MTMR7: variants seen among roughly 807,000 people sequenced by gnomAD.
The protein encoded by MTMR7 is myotubularin related protein 7.
Under a neutral mutation model 81.2 loss-of-function variants are expected in MTMR7, and 76 were observed. The ratio of observed to expected loss-of-function variants is 0.94; its 90% CI spans 0.78 to 1.13. The LOEUF is 1.13. Among genes scored for constraint, MTMR7 ranks in the 50% most tolerant of loss-of-function variants. The probability of loss-of-function intolerance (pLI) is 0.00; values close to 1 mark genes in which losing one functional copy is unlikely to be tolerated. For synonymous variants in MTMR7, 372 were observed against 289.8 expected, an observed-to-expected ratio of 1.28 and a Z score of -2.88; for missense variants, 1,044 against 820.0, an observed-to-expected ratio of 1.27 and a Z score of -3.34.
chr8:17,408,974 T>G (rs983198311), intron 1 of MTMR7, among the ~76,000 whole-genome samples: 1 of 152,232 alleles, frequency 6.6e-6, no homozygotes, highest in African/African-American at 2.4e-5. Flanking sequence ...TTTACATTAT[T>G]TGAATTTTAT....
chr8:17,357,362 A>AAATT (rs1819926657), intron 4 of MTMR7, among the ~76,000 whole-genome samples: 1 of 152,252 alleles, frequency 6.6e-6, no homozygotes, highest in African/African-American at 2.4e-5. Context: ...GAAATGGATG[A>AAATT]CAAATACAAA....
At chr8:17,393,838 T>G (rs190525001) in intron 1 of MTMR7, among the ~76,000 whole-genome samples, 1 of 152,190 alleles carries the variant, frequency 6.6e-6, no homozygotes, top group Non-Finnish European at 1.5e-5. Context: ...TTTGCACATG[T>G]AACCTGGGAC....
intron 5 of MTMR7, among the ~76,000 whole-genome samples, chr8:17,341,794 C>T (rs917199382): frequency 2.0e-4 from 30 of 152,170 alleles, no homozygotes; most frequent in Admixed American, 1.6e-3. Context: ...CTTTCCTTTT[C>T]ACTGATATTG....
intron 12 of MTMR7, among the ~76,000 whole-genome samples, chr8:17,303,781 T>C (rs1817279102): frequency 6.6e-6 from 1 of 152,166 alleles, no homozygotes; most frequent in Admixed American, 6.5e-5. Context: ...AGCTAATTTT[T>C]GTATTTTCAG....
At chr8:17,372,771 C>A (rs1269695219) in intron 2 of MTMR7, among the ~76,000 whole-genome samples, 4 of 152,068 alleles carry the variant, frequency 2.6e-5, no homozygotes, top group Non-Finnish European at 4.4e-5. Flanking sequence ...CAGGACCCTG[C>A]AAATAGAGAC....
chr8:17,402,329 AC>A (rs1821450889), intron 1 of MTMR7, among the ~76,000 whole-genome samples: 1 of 152,154 alleles, frequency 6.6e-6, no homozygotes, highest in Non-Finnish European at 1.5e-5. Flanking sequence ...GCTATCAAAT[AC>A]TAGGTCTTAC....
chr8:17,408,303 G>T (rs1390855405), intron 1 of MTMR7, among the ~76,000 whole-genome samples: 1 of 86,226 alleles, frequency 1.2e-5, no homozygotes, highest in African/African-American at 2.9e-5. Flanking sequence ...GCAGGAGAAT[G>T]GCGTGAACCC....
intron 6 of MTMR7, among the ~76,000 whole-genome samples, chr8:17,337,076 T>C (rs911737110): frequency 1.3e-5 from 2 of 151,900 alleles, no homozygotes; most frequent in African/African-American, 4.8e-5. Context: ...AAGAACTAAA[T>C]GAGAAAGTAC....
intron 1 of MTMR7, among the ~76,000 whole-genome samples, chr8:17,407,143 A>T (rs1299340685): frequency 6.6e-6 from 1 of 152,002 alleles, no homozygotes; most frequent in Non-Finnish European, 1.5e-5. Context: ...AGCTATTGAA[A>T]TACACACACT....
chr8:17,361,020 G>T, intron 4 of MTMR7, 97 bp downstream of exon 4: 1 of 1,329,574 alleles, frequency 7.5e-7, no homozygotes, highest in Non-Finnish European at 1.1e-6. Context: ...TATCTACAAA[G>T]AGCTATAAAA....
intron 3 of MTMR7, among the ~76,000 whole-genome samples, chr8:17,369,620 G>C (rs1302188692): frequency 2.0e-5 from 3 of 147,430 alleles, no homozygotes; most frequent in Admixed American, 6.8e-5. Context: ...TTAGAGTATA[G>C]TAGAGTATAT....
At chr8:17,413,172 G>A (rs1821783404) in intron 1 of MTMR7, 97 bp downstream of exon 1, 2 of 1,377,146 alleles carry the variant, frequency 1.5e-6, no homozygotes, top group South Asian at 1.2e-5. Flanking sequence ...CTCCGCCGGT[G>A]CCCCTCAAAG....
At chr8:17,359,859 T>C (rs747405798) in intron 4 of MTMR7, among the ~76,000 whole-genome samples, 6 of 152,314 alleles carry the variant, frequency 3.9e-5, no homozygotes, top group African/African-American at 9.6e-5. Flanking sequence ...TGAGAATTCA[T>C]AGACATTGGT....
At chr8:17,322,762 C>T (rs4596692) in intron 7 of MTMR7, among the ~76,000 whole-genome samples, 50 of 152,218 alleles carry the variant, frequency 3.3e-4, no homozygotes, top group African/African-American at 1.1e-3. Context: ...GAGTCAGAGG[C>T]TGCTGTGAGC....
intron 1 of MTMR7, among the ~76,000 whole-genome samples, chr8:17,394,693 AAT>A (rs1450253067): frequency 6.6e-6 from 1 of 152,168 alleles, no homozygotes; most frequent in South Asian, 2.1e-4. Context: ...ATAATATGTA[AAT>A]ATGTTAGTTT....
At chr8:17,384,513 T>A (rs1820868804) in intron 1 of MTMR7, among the ~76,000 whole-genome samples, 1 of 152,224 alleles carries the variant, frequency 6.6e-6, no homozygotes, top group African/African-American at 2.4e-5. Context: ...TCATTTCTCC[T>A]GTGTGAAACT....
At chr8:17,319,729 T>G (rs1323208589) in intron 7 of MTMR7, among the ~76,000 whole-genome samples, 4 of 152,184 alleles carry the variant, frequency 2.6e-5, no homozygotes, top group South Asian at 4.1e-4. Flanking sequence ...GTCCAGCATC[T>G]CCCAGCTGAT....
At position 17,341,403 on chromosome 8, in the gene MTMR7, G is replaced by C; in HGVS notation, c.692C>G (p.Pro231Arg). 1 of 1,614,200 alleles carries C rather than the reference G, an allele frequency of 6.2e-7. No homozygotes were observed. Among genetic ancestry groups the C allele is most frequent in the Non-Finnish European group, 8.5e-7 (1 of 1,180,036 alleles). The change falls in exon 6 of 14, where the codon CCA (proline) becomes CGA (arginine). Residue 231 changes from proline (P) to arginine (R), a missense_variant. Pro to Arg is a moderately radical substitution (Grantham distance 103, BLOSUM62 -2). Transcript: ENST00000180173. The part of the protein sequence containing the change: ...QMLQAIRKAN[P>R]GSDFVYVVDT... ...AACGACATAAACGAAGTCACTTCCTGGATTGGCTTTCCTAATGGCCTGGAG... is the reference window on the plus strand; with the variant it reads ...AACGACATAAACGAAGTCACTTCCTCGATTGGCTTTCCTAATGGCCTGGAG...
chr8:17,385,841 A>G (rs1380868019), intron 1 of MTMR7, among the ~76,000 whole-genome samples: 1 of 152,108 alleles, frequency 6.6e-6, no homozygotes, highest in Non-Finnish European at 1.5e-5. Context: ...CCTCCAGTAC[A>G]AACTTTGGAA....
Sources: gnomAD v4.1 joint callset for allele counts (sites outside exome capture counted in the v4.1 genomes callset) on GRCh38, gnomAD v4.1.1 for gene constraint, MANE v1.5 for transcripts, NCBI Gene and HGNC (gene_info 2026-07-23, HGNC 2026-07-21) for gene names.